Variants in HEMK2 observed in about 807,000 individuals in gnomAD.
The protein encoded by HEMK2 is methyltransferase HEMK2.
the HEMK2 span, among the ~76,000 whole-genome samples, chr21:28,710,025 T>C: frequency 1.5e-4 from 23 of 152,206 alleles, no homozygotes; most frequent in African/African-American, 5.5e-4. Flanking sequence ...TGTGGGCTCA[T>C]CCAATAATAC....
chr21:28,579,322 A>C, the HEMK2 span, among the ~76,000 whole-genome samples: 1 of 152,222 alleles, frequency 6.6e-6, no homozygotes, highest in Non-Finnish European at 1.5e-5. Context: ...TTATATATAC[A>C]CGTGCATATG....
At chr21:28,701,931 G>A in the HEMK2 span, among the ~76,000 whole-genome samples, 2 of 151,940 alleles carry the variant, frequency 1.3e-5, no homozygotes, top group African/African-American at 4.8e-5. Context: ...ATTTCAGACT[G>A]TACTATAAGT....
At chr21:28,697,268 T>C in the HEMK2 span, among the ~76,000 whole-genome samples, 2 of 152,162 alleles carry the variant, frequency 1.3e-5, no homozygotes, top group East Asian at 3.9e-4. Context: ...GAAATTTCTT[T>C]CCCCAGATAC....
At chr21:28,628,659 G>A in the HEMK2 span, among the ~76,000 whole-genome samples, 2 of 152,170 alleles carry the variant, frequency 1.3e-5, no homozygotes, top group African/African-American at 4.8e-5. Context: ...TCACCATGTT[G>A]GCCAGGCTAG....
At chr21:28,650,492 A>T in the HEMK2 span, among the ~76,000 whole-genome samples, 2 of 152,198 alleles carry the variant, frequency 1.3e-5, no homozygotes, top group African/African-American at 2.4e-5. Context: ...AGACAGTCAG[A>T]GGTGGAAGCA....
At chr21:28,654,968 G>A in the HEMK2 span, among the ~76,000 whole-genome samples, 2 of 151,788 alleles carry the variant, frequency 1.3e-5, no homozygotes, top group African/African-American at 2.4e-5. Context: ...TGTCTTTTAC[G>A]CTCACCACTC....
the HEMK2 span, among the ~76,000 whole-genome samples, chr21:28,655,992 C>G: frequency 1.3e-5 from 2 of 152,024 alleles, no homozygotes; most frequent in African/African-American, 4.8e-5. Context: ...AATTTGTGCA[C>G]GATTAGAATC....
chr21:28,861,904 A>AT, the HEMK2 span, among the ~76,000 whole-genome samples: 5 of 152,192 alleles, frequency 3.3e-5, no homozygotes, highest in South Asian at 2.1e-4. Flanking sequence ...TTCCCGCCAC[A>AT]TTACGTTGTG....
the HEMK2 span, among the ~76,000 whole-genome samples, chr21:28,637,463 A>G: frequency 6.6e-6 from 1 of 152,072 alleles, no homozygotes; most frequent in Non-Finnish European, 1.5e-5. Context: ...TAAAAAAAAA[A>G]AAAATGGAAG....
At chr21:28,857,327 T>C in the HEMK2 span, among the ~76,000 whole-genome samples, 1 of 152,098 alleles carries the variant, frequency 6.6e-6, no homozygotes, top group Non-Finnish European at 1.5e-5. Flanking sequence ...CCAAGCACCA[T>C]ACAAGCACAA....
the HEMK2 span, among the ~76,000 whole-genome samples, chr21:28,702,934 G>T: frequency 2.6e-5 from 4 of 152,158 alleles, no homozygotes; most frequent in East Asian, 7.7e-4. Flanking sequence ...GGTAGACTGG[G>T]TAAACAAAAT....
At chr21:28,754,032 G>A in the HEMK2 span, among the ~76,000 whole-genome samples, 7 of 152,134 alleles carry the variant, frequency 4.6e-5, no homozygotes, top group East Asian at 9.6e-4. Flanking sequence ...CATTCAGTAC[G>A]TGTTTGGAGT....
chr21:28,677,222 C>T, the HEMK2 span, among the ~76,000 whole-genome samples: 1 of 152,350 alleles, frequency 6.6e-6, no homozygotes, highest in African/African-American at 2.4e-5. Context: ...TTCCAACAGT[C>T]TTAGCAAACG....
At chr21:28,697,173 T>C in the HEMK2 span, among the ~76,000 whole-genome samples, 6 of 152,194 alleles carry the variant, frequency 3.9e-5, no homozygotes, top group African/African-American at 7.2e-5. Flanking sequence ...CCCCAGAAAA[T>C]GGGTTTTTCT....
the HEMK2 span, among the ~76,000 whole-genome samples, chr21:28,732,834 C>A: frequency 6.6e-6 from 1 of 152,130 alleles, no homozygotes; most frequent in South Asian, 2.1e-4. Flanking sequence ...CCATTATTCC[C>A]TTCTCCCAGA....
the HEMK2 span, among the ~76,000 whole-genome samples, chr21:28,608,842 C>G: frequency 6.6e-6 from 1 of 152,090 alleles, no homozygotes; most frequent in African/African-American, 2.4e-5. Flanking sequence ...CATCATCCCC[C>G]GGGAAACATA....
the HEMK2 span, among the ~76,000 whole-genome samples, chr21:28,643,580 A>G: frequency 1.3e-5 from 2 of 152,162 alleles, no homozygotes; most frequent in East Asian, 3.9e-4. Context: ...CTGGAGGCTT[A>G]GGTGGGAGGA....
At chr21:28,682,279 C>A in the HEMK2 span, among the ~76,000 whole-genome samples, 4 of 152,212 alleles carry the variant, frequency 2.6e-5, no homozygotes, top group Non-Finnish European at 4.4e-5. Flanking sequence ...GACATTTGTG[C>A]AGCCAAAAGA....
At chr21:28,731,159 T>C in the HEMK2 span, among the ~76,000 whole-genome samples, 2 of 152,180 alleles carry the variant, frequency 1.3e-5, no homozygotes, top group African/African-American at 4.8e-5. Flanking sequence ...AAGGAGCAGA[T>C]CTTTTCAAAT....
Sources: gnomAD v4.1 joint callset for allele counts (sites outside exome capture counted in the v4.1 genomes callset) on GRCh38, gnomAD v4.1.1 for gene constraint, MANE v1.5 for transcripts, NCBI Gene and HGNC (gene_info 2026-07-23, HGNC 2026-07-21) for gene names.